The following TFB1M variants were observed in gnomAD, a reference collection of about 807,000 sequenced individuals.
The protein encoded by TFB1M is dimethyladenosine transferase 1, mitochondrial.
In TFB1M, 27 loss-of-function variants were observed where a neutral mutation model predicts 31.1. That is an observed-to-expected ratio of 0.87 (90% confidence interval 0.64 to 1.20). The LOEUF is 1.20. Ranked by LOEUF, TFB1M falls within the 50% of genes most tolerant of loss-of-function variation. TFB1M has a pLI of 0.00. For synonymous variants in TFB1M, 166 were observed against 151.8 expected (o/e 1.09, Z -0.69); for missense variants, 394 against 418.7 (o/e 0.94, Z 0.51).
the TFB1M span, among the ~76,000 whole-genome samples, chr6:155,233,216 C>T: frequency 4.9e-4 from 74 of 152,190 alleles, no homozygotes; most frequent in Non-Finnish European, 7.9e-4. Context: ...GATTCCAAAA[C>T]GCACAGGAAA....
At chr6:155,305,489 A>T (rs192525559) in intron 2 of TFB1M, among the ~76,000 whole-genome samples, 5 of 25,616 alleles carry the variant, frequency 2.0e-4, no homozygotes, top group African/African-American at 5.8e-4. Context: ...AATTATATAT[A>T]TAAATATATA....
At chr6:155,255,206 A>G (rs1783923073), downstream of TFB1M, 1 of 152,304 alleles carries the variant, frequency 6.6e-6, no homozygotes, top group African/African-American at 2.4e-5. Context: ...TAGTAGGTAC[A>G]TTAAATGCAT....
At chr6:155,264,666 G>GA (rs1467772571) in intron 5 of TFB1M, among the ~76,000 whole-genome samples, 1 of 152,068 alleles carries the variant, frequency 6.6e-6, no homozygotes, top group Non-Finnish European at 1.5e-5. Context: ...CATAAAAAAA[G>GA]AACAGATTTT....
chr6:155,289,039 G>A (rs1252124708), intron 4 of TFB1M, among the ~76,000 whole-genome samples: 1 of 151,226 alleles, frequency 6.6e-6, no homozygotes, highest in African/African-American at 2.4e-5. Flanking sequence ...AAAAACAAGG[G>A]GTCAAAGAAT....
At chr6:155,307,211 T>A (rs1349009813) in intron 2 of TFB1M, among the ~76,000 whole-genome samples, 4 of 152,106 alleles carry the variant, frequency 2.6e-5, no homozygotes, top group Non-Finnish European at 5.9e-5. Context: ...ACTTTAAGTA[T>A]GTGCAGTTTA....
chr6:155,309,528 A>T (rs1448036414), intron 2 of TFB1M, among the ~76,000 whole-genome samples: 1 of 152,202 alleles, frequency 6.6e-6, no homozygotes, highest in East Asian at 1.9e-4. Flanking sequence ...CGCTCTTTTC[A>T]ACAATCTGCC....
At chr6:155,270,359 G>A (rs1784864065) in intron 5 of TFB1M, among the ~76,000 whole-genome samples, 1 of 152,116 alleles carries the variant, frequency 6.6e-6, no homozygotes. Flanking sequence ...AGAGTCTCTG[G>A]ACTTAAAAGA....
chr6:155,257,868 C>A lies in TFB1M; in HGVS notation c.1009G>T (p.Glu337Ter). The A allele has an allele frequency of 6.2e-7, 1 of 1,614,150 alleles. No individual in the cohort carries two copies. Among genetic ancestry groups the A allele is most frequent in the Non-Finnish European group, 8.5e-7 (1 of 1,179,994 alleles). Residue 337 changes from glutamate to a stop codon, truncating the protein, a stop_gained, in exon 7 of 7, where the codon GAA becomes TAA. Coordinates refer to ENST00000367166, the MANE Select transcript of TFB1M (RefSeq NM_016020.4). LOFTEE classifies it low-confidence loss of function (END_TRUNC). ...CTGTAATTCTCTGCGTCATCCTCTT[C>A]TTTTTCTTCATTTTTGCTTTTTCTT... ...KRRKSKNEEK[E>*]EDDAENYRL
chr6:155,314,244 C>A, intron 1 of TFB1M, 52 bp downstream of exon 1: 2 of 1,604,612 alleles, frequency 1.2e-6, no homozygotes, highest in South Asian at 1.1e-5. Flanking sequence ...CCCCGGCCCA[C>A]GCCCCCACGG....
intron 5 of TFB1M, among the ~76,000 whole-genome samples, chr6:155,277,225 T>A (rs1378026285): frequency 6.6e-6 from 1 of 152,262 alleles, no homozygotes; most frequent in Non-Finnish European, 1.5e-5. Flanking sequence ...CTCTCATTTA[T>A]TCATATTTGG....
rs1784044908 is a variant in TFB1M at position 155,256,569 on chromosome 6, T to C, written c.*1267A>G. 6.2e-7 allele frequency: 1 copy of C among 1,614,052 alleles called. No homozygotes were observed. The highest frequency in any genetic ancestry group is 1.7e-5 in the Admixed American group (1 of 60,008). On this transcript the variant is annotated 3_prime_UTR_variant, in exon 7 of 7. Transcript: ENST00000367166. Reference sequence around the variant, plus strand: ...CTGGCAAGGGAACCTTGCTGGACTCTGACGAGGGCAGCTTGAGCAGCGGCA... The same window carrying C: ...CTGGCAAGGGAACCTTGCTGGACTCCGACGAGGGCAGCTTGAGCAGCGGCA...
chr6:155,261,067 T>C (rs1185186226), intron 5 of TFB1M: 1 of 155,298 alleles, frequency 6.4e-6, no homozygotes, highest in Non-Finnish European at 1.4e-5. Flanking sequence ...AGATAAAACT[T>C]TTCAGGCATA....
At chr6:155,290,246 C>A (rs986154669) in intron 4 of TFB1M, among the ~76,000 whole-genome samples, 3 of 151,740 alleles carry the variant, frequency 2.0e-5, no homozygotes, top group South Asian at 2.1e-4. Context: ...ATTAGCCAGG[C>A]GTGGTGGTGG....
chr6:155,260,662 A>C (rs1389855235), intron 5 of TFB1M: 1 of 514,766 alleles, frequency 1.9e-6, no homozygotes, highest in African/African-American at 1.9e-5. Flanking sequence ...TTAATTTTAA[A>C]ACACAGTTTC....
chr6:155,304,427 A>G (rs1227134960), intron 2 of TFB1M, among the ~76,000 whole-genome samples: 3 of 152,204 alleles, frequency 2.0e-5, no homozygotes, highest in African/African-American at 7.2e-5. Context: ...GATGGAGTCT[A>G]AGGGACCAGG....
intron 5 of TFB1M, among the ~76,000 whole-genome samples, chr6:155,277,550 G>A (rs991634275): frequency 3.3e-5 from 5 of 152,132 alleles, no homozygotes; most frequent in African/African-American, 1.2e-4. Flanking sequence ...TATATTTTAC[G>A]TAAGTAAATA....
chr6:155,251,090 C>T, the TFB1M span: 3 of 1,369,542 alleles, frequency 2.2e-6, no homozygotes, highest in Non-Finnish European at 3.1e-6. Flanking sequence ...TCACTAGCCG[C>T]ACCAGTCCAG....
chr6:155,231,974 G>A, the TFB1M span, among the ~76,000 whole-genome samples: 15 of 152,182 alleles, frequency 9.9e-5, no homozygotes, highest in Admixed American at 3.3e-4. Context: ...CCAGCTACGT[G>A]GGAGGCTGAG....
At chr6:155,302,829 A>C (rs540319090) in intron 2 of TFB1M, among the ~76,000 whole-genome samples, 163 of 152,264 alleles carry the variant, frequency 1.1e-3, no homozygotes, top group African/African-American at 3.8e-3. Flanking sequence ...TAAAGGAGAG[A>C]TGTTTAATTG....
Sources: allele counts gnomAD v4.1 joint callset (sites outside exome capture counted in the v4.1 genomes callset), GRCh38; gene constraint gnomAD v4.1.1; transcripts MANE v1.5; gene names NCBI Gene and HGNC (gene_info 2026-07-23, HGNC 2026-07-21).